Variants in AKAP13 observed in about 807,000 individuals in gnomAD.
The protein encoded by AKAP13 is A-kinase anchor protein 13.
AKAP13 carries 80 observed loss-of-function variants against 264.5 expected under a neutral mutation model. The ratio of observed to expected loss-of-function variants is 0.30; its 90% CI spans 0.25 to 0.36. AKAP13 has a LOEUF of 0.36. Ranked by LOEUF, AKAP13 falls within the 10% of genes least tolerant of loss-of-function variation. The pLI, the probability that AKAP13 is intolerant of heterozygous loss-of-function variation, is 1.00. For missense variants in AKAP13, 3,712 were observed against 3,435.2 expected (o/e 1.08, Z -2.01); for synonymous variants, 1,380 against 1,250.2 (o/e 1.10, Z -2.19).
intron 5 of AKAP13, among the ~76,000 whole-genome samples, chr15:85,568,159 G>A (rs569649074): frequency 7.9e-5 from 12 of 152,082 alleles, no homozygotes; most frequent in African/African-American, 2.4e-4. Context: ...AAATTAGCTC[G>A]TATGGTGGTG....
chr15:85,404,201 G>A (rs569174589), intron 1 of AKAP13, among the ~76,000 whole-genome samples: 1 of 152,212 alleles, frequency 6.6e-6, no homozygotes, highest in Non-Finnish European at 1.5e-5. Flanking sequence ...TGCAGATAAG[G>A]TCAATAGCAT....
intron 5 of AKAP13, among the ~76,000 whole-genome samples, chr15:85,552,926 T>C (rs1373350815): frequency 2.6e-5 from 4 of 152,164 alleles, no homozygotes; most frequent in African/African-American, 7.2e-5. Context: ...TTTATTCTTA[T>C]GTGAATGATT....
intron 1 of AKAP13, among the ~76,000 whole-genome samples, chr15:85,424,406 C>T (rs1024245663): frequency 6.6e-6 from 1 of 152,160 alleles, no homozygotes; most frequent in African/African-American, 2.4e-5. Context: ...ACCTCATGAA[C>T]CAATGCTCTG....
At chr15:85,522,504 T>C (rs1215614356) in intron 3 of AKAP13, among the ~76,000 whole-genome samples, 1 of 152,090 alleles carries the variant, frequency 6.6e-6, no homozygotes, top group East Asian at 1.9e-4. Flanking sequence ...ACTGGTAAGG[T>C]CCTTAAATTA....
intron 4 of AKAP13, chr15:85,536,967 G>C (rs1434070393): frequency 6.6e-6 from 1 of 152,024 alleles, no homozygotes; most frequent in Non-Finnish European, 1.5e-5. Context: ...GAATTTTATT[G>C]TACATATATT....
At chr15:85,409,366 C>T (rs2071831094) in intron 1 of AKAP13, among the ~76,000 whole-genome samples, 1 of 151,278 alleles carries the variant, frequency 6.6e-6, no homozygotes. Flanking sequence ...TTAGTGGAGA[C>T]AGGGTTTCAT....
intron 6 of AKAP13, 117 bp downstream of exon 6, chr15:85,575,446 C>G: frequency 1.9e-6 from 2 of 1,066,004 alleles, no homozygotes; most frequent in East Asian, 2.5e-5. Flanking sequence ...AAAATGCTTT[C>G]CTGGTGGGAG....
chr15:85,396,094 A>G (rs1257317027), intron 1 of AKAP13, among the ~76,000 whole-genome samples: 1 of 152,090 alleles, frequency 6.6e-6, no homozygotes, highest in Non-Finnish European at 1.5e-5. Flanking sequence ...AATAAAATCT[A>G]TCCTGTTGCG....
chr15:85,641,445 C>CAAAT lies in AKAP13; in HGVS notation c.4237+2055_4237+2058dup, dbSNP rs199664618. 3.3e-3 allele frequency among the ~76,000 whole-genome samples: 321 copies of CAAAT among 97,412 alleles called. 1 individual carries two copies. The highest frequency in any genetic ancestry group is 5.8e-3 in the African/African-American group (142 of 24,486). The allele number at this position is 97,412 out of a possible 152,430, so 63.9% of individuals were successfully genotyped here. A position where few individuals can be genotyped will look rare whatever the true frequency, so the allele number is the denominator to read the frequency against. ...TGGGCGACGGAGCAAGACTCCATCT[C>CAAAT]AAATAAATAAATAAATAAATAAATA... On this transcript the variant is annotated intron_variant, in intron 9 of 36. Coordinates refer to ENST00000394518, the MANE Select transcript of AKAP13 (RefSeq NM_007200.5).
chr15:85,543,681 G>A (rs1334540047), intron 4 of AKAP13, 91 bp from the exon 5 acceptor site: 2 of 1,344,322 alleles, frequency 1.5e-6, no homozygotes, highest in African/African-American at 1.5e-5. Context: ...GCACTTGGAG[G>A]CAGTGGTGTT....
At chr15:85,600,512 C>A (rs2080013392) in intron 8 of AKAP13, among the ~76,000 whole-genome samples, 1 of 152,150 alleles carries the variant, frequency 6.6e-6, no homozygotes. Flanking sequence ...GAAATTTCAA[C>A]AGCTGCTGCT....
At chr15:85,489,310 A>G (rs1372543527) in intron 2 of AKAP13, among the ~76,000 whole-genome samples, 1 of 152,220 alleles carries the variant, frequency 6.6e-6, no homozygotes, top group Non-Finnish European at 1.5e-5. Flanking sequence ...TTTGTGTTTA[A>G]TTGACTTGAG....
chr15:85,711,523 A>G (rs182664783), intron 19 of AKAP13, among the ~76,000 whole-genome samples: 51 of 152,254 alleles, frequency 3.3e-4, no homozygotes, highest in Admixed American at 1.1e-3. Context: ...TTTTCACTCA[A>G]TATTGTTTTG....
intron 35 of AKAP13, among the ~76,000 whole-genome samples, chr15:85,743,214 C>T (rs568399281): frequency 2.6e-5 from 4 of 152,204 alleles, no homozygotes; most frequent in Non-Finnish European, 5.9e-5. Flanking sequence ...ATCAAAGGTA[C>T]TATTGGTTTT....
intron 8 of AKAP13, among the ~76,000 whole-genome samples, chr15:85,626,514 C>G (rs1314594687): frequency 1.3e-5 from 2 of 152,192 alleles, no homozygotes; most frequent in African/African-American, 2.4e-5. Context: ...CCTTTTGTGA[C>G]TGTCTTATTT....
At chr15:85,421,295 C>G (rs948130467) in intron 1 of AKAP13, among the ~76,000 whole-genome samples, 1 of 152,244 alleles carries the variant, frequency 6.6e-6, no homozygotes, top group African/African-American at 2.4e-5. Context: ...GGAAGCTTAT[C>G]TGCACATTTG....
intron 2 of AKAP13, among the ~76,000 whole-genome samples, chr15:85,517,956 G>C (rs1462649022): frequency 6.6e-6 from 1 of 152,140 alleles, no homozygotes. Context: ...TGGTGATGTA[G>C]GTGTGTACTC....
intron 1 of AKAP13, chr15:85,381,877 T>G (rs2141820089): frequency 6.6e-6 from 1 of 152,330 alleles, no homozygotes; most frequent in African/African-American, 2.4e-5. Context: ...TTTCTTCAGT[T>G]TTTCTGAACT....
intron 2 of AKAP13, among the ~76,000 whole-genome samples, chr15:85,500,366 A>G (rs1332578925): frequency 5.9e-5 from 9 of 152,186 alleles, no homozygotes; most frequent in Non-Finnish European, 8.8e-5. Context: ...TGACAAACCT[A>G]TGAATTAGGT....
Sources: allele counts gnomAD v4.1 joint callset (sites outside exome capture counted in the v4.1 genomes callset), GRCh38; gene constraint gnomAD v4.1.1; transcripts MANE v1.5; gene names NCBI Gene and HGNC (gene_info 2026-07-23, HGNC 2026-07-21).